Variants in IL1RAPL2 observed in about 807,000 individuals in gnomAD.
IL1RAPL2 encodes interleukin 1 receptor accessory protein like 2, also known as X-linked interleukin-1 receptor accessory protein-like 2.
IL1RAPL2 carries 3 observed loss-of-function variants against 44.1 expected under a neutral mutation model. The observed-to-expected ratio is 0.07, with a 90% CI of 0.03 to 0.18. The LOEUF is 0.18. Ranked by LOEUF, IL1RAPL2 falls within the 10% of genes least tolerant of loss-of-function variation. The probability of loss-of-function intolerance (pLI) is 1.00; values close to 1 mark genes in which losing one functional copy is unlikely to be tolerated. For synonymous variants in IL1RAPL2, 181 were observed against 178.8 expected, an observed-to-expected ratio of 1.01 and a Z score of -0.10; for missense variants, 391 against 496.4, an observed-to-expected ratio of 0.79 and a Z score of 2.02.
chrX:105,255,917 G>A (rs750411703), intron 4 of IL1RAPL2, among the ~76,000 whole-genome samples: 2 of 112,176 alleles, frequency 1.8e-5, no homozygotes, highest in East Asian at 5.6e-4. Context: ...TAATCATGTG[G>A]TTTTTGTCTT....
intron 6 of IL1RAPL2, among the ~76,000 whole-genome samples, chrX:105,560,043 G>A (rs1029558732): frequency 9.0e-6 from 1 of 111,561 alleles, no homozygotes; most frequent in Non-Finnish European, 1.9e-5. Context: ...TATTGCCTCA[G>A]GAACCTTTGA....
intron 2 of IL1RAPL2, among the ~76,000 whole-genome samples, chrX:104,746,276 G>GT (rs769550315): frequency 1.8e-5 from 2 of 111,024 alleles, no homozygotes; most frequent in Non-Finnish European, 3.8e-5. Flanking sequence ...CAAGGTCCTG[G>GT]TTTTTCCTCT....
At chrX:105,275,072 G>C (rs1051758347) in intron 5 of IL1RAPL2, among the ~76,000 whole-genome samples, 3 of 110,694 alleles carry the variant, frequency 2.7e-5, no homozygotes, top group African/African-American at 9.9e-5. Context: ...TTAGCTGGCT[G>C]TGGTGGTGTG....
intron 2 of IL1RAPL2, among the ~76,000 whole-genome samples, chrX:105,075,173 T>A (rs756512790): frequency 9.0e-6 from 1 of 111,500 alleles, no homozygotes; most frequent in East Asian, 2.8e-4. Flanking sequence ...ATATTGGCTG[T>A]GGGTTTGTCA....
chrX:104,908,972 C>G (rs1287990110), intron 2 of IL1RAPL2, among the ~76,000 whole-genome samples: 1 of 110,703 alleles, frequency 9.0e-6, no homozygotes, highest in African/African-American at 3.3e-5. Flanking sequence ...CCGTCACTTT[C>G]AGGTACACCA....
chrX:105,124,273 T>G (rs193072584), intron 2 of IL1RAPL2, among the ~76,000 whole-genome samples: 1 of 110,165 alleles, frequency 9.1e-6, no homozygotes, highest in East Asian at 2.9e-4. Context: ...TTAGAGTAGG[T>G]CATAGGCTAT....
intron 2 of IL1RAPL2, among the ~76,000 whole-genome samples, chrX:104,747,992 G>T (rs1932203355): frequency 9.0e-6 from 1 of 111,482 alleles, no homozygotes; most frequent in South Asian, 3.7e-4. Context: ...TCATTGAAAT[G>T]ATTCTTTATA....
At chrX:105,556,988 G>A (rs973660577) in intron 6 of IL1RAPL2, among the ~76,000 whole-genome samples, 2 of 111,918 alleles carry the variant, frequency 1.8e-5, no homozygotes, top group African/African-American at 6.5e-5. Context: ...GCTTCATATG[G>A]CTTTTCTGCT....
At chrX:105,540,746 C>T (rs2036714364) in intron 6 of IL1RAPL2, among the ~76,000 whole-genome samples, 1 of 91,615 alleles carries the variant, frequency 1.1e-5, no homozygotes, top group Non-Finnish European at 2.1e-5. Flanking sequence ...AATCTACCTC[C>T]TACATGAGTA....
At chrX:105,552,407 C>CAG (rs1258321393) in intron 6 of IL1RAPL2, among the ~76,000 whole-genome samples, 2 of 112,351 alleles carry the variant, frequency 1.8e-5, no homozygotes, top group African/African-American at 6.5e-5. Flanking sequence ...TACCTTGTGG[C>CAG]AGAGAGAGTC....
chrX:105,583,206 C>T (rs1182798820), intron 6 of IL1RAPL2, among the ~76,000 whole-genome samples: 1 of 101,428 alleles, frequency 9.9e-6, no homozygotes, highest in African/African-American at 3.7e-5. Context: ...GTGATCTCGG[C>T]TCTCTGCAAC....
chrX:104,924,656 A>G (rs1420557619), intron 2 of IL1RAPL2, among the ~76,000 whole-genome samples: 1 of 111,678 alleles, frequency 9.0e-6, no homozygotes, highest in African/African-American at 3.3e-5. Context: ...ATGAATAAAA[A>G]TCGAAACAAA....
At chrX:105,545,509 G>A (rs2036787268) in intron 6 of IL1RAPL2, among the ~76,000 whole-genome samples, 1 of 112,132 alleles carries the variant, frequency 8.9e-6, no homozygotes, top group African/African-American at 3.2e-5. Context: ...GGGAGAGGCA[G>A]GGGTTTTAAA....
At chrX:105,503,824 G>A in intron 6 of IL1RAPL2, among the ~76,000 whole-genome samples, 1 of 111,717 alleles carries the variant, frequency 9.0e-6, no homozygotes, top group Non-Finnish European at 1.9e-5. Context: ...GCCTTGACTG[G>A]TAGATGCATC....
At chrX:105,575,383 T>C (rs1205084843) in intron 6 of IL1RAPL2, among the ~76,000 whole-genome samples, 1 of 111,376 alleles carries the variant, frequency 9.0e-6, no homozygotes, top group Non-Finnish European at 1.9e-5. Flanking sequence ...TATGTGTCCA[T>C]GTGTTCTCAT....
At chrX:104,609,666 C>T (rs1037492006) in intron 1 of IL1RAPL2, among the ~76,000 whole-genome samples, 2 of 111,767 alleles carry the variant, frequency 1.8e-5, no homozygotes, top group Non-Finnish European at 3.8e-5. Context: ...GTACATGCTT[C>T]ACGAAGTTCT....
At chrX:105,042,418 G>A in intron 2 of IL1RAPL2, among the ~76,000 whole-genome samples, 1 of 109,409 alleles carries the variant, frequency 9.1e-6, no homozygotes, top group Non-Finnish European at 1.9e-5. Context: ...GTGGGCGAAG[G>A]ATATGAACAG....
intron 6 of IL1RAPL2, among the ~76,000 whole-genome samples, chrX:105,488,897 A>T (rs1316822239): frequency 8.9e-6 from 1 of 112,198 alleles, no homozygotes; most frequent in Non-Finnish European, 1.9e-5. Context: ...CTAGAGAAAA[A>T]TAAACATCTT....
At chrX:105,079,288 A>G (rs1699561071) in intron 2 of IL1RAPL2, among the ~76,000 whole-genome samples, 1 of 110,858 alleles carries the variant, frequency 9.0e-6, no homozygotes, top group Admixed American at 9.5e-5. Context: ...AGAACTAGAA[A>G]TACCATTTGA....
Sources: gnomAD v4.1 joint callset for allele counts (sites outside exome capture counted in the v4.1 genomes callset) on GRCh38, gnomAD v4.1.1 for gene constraint, MANE v1.5 for transcripts, NCBI Gene and HGNC (gene_info 2026-07-23, HGNC 2026-07-21) for gene names.